The following RAVER1 variants were observed in gnomAD, a reference collection of about 807,000 sequenced individuals.
RAVER1 encodes the protein ribonucleoprotein PTB-binding 1.
RAVER1 carries 36 observed loss-of-function variants against 68.4 expected under a neutral mutation model. The observed-to-expected ratio is 0.53, with a 90% confidence interval of 0.40 to 0.70. RAVER1 has a LOEUF of 0.70. Ranked by LOEUF, RAVER1 falls within the 30% of genes least tolerant of loss-of-function variation. The pLI is 0.00. For missense variants in RAVER1, 933 were observed against 1,019.8 expected, an observed-to-expected ratio of 0.91 and a Z score of 1.16; for synonymous variants, 469 against 472.7, an observed-to-expected ratio of 0.99 and a Z score of 0.10.
At chr19:10,330,956 C>T (rs571499007) in intron 1 of RAVER1, among the ~76,000 whole-genome samples, 5 of 151,922 alleles carry the variant, frequency 3.3e-5, no homozygotes, top group South Asian at 2.1e-4. Flanking sequence ...CCTAGCTACT[C>T]GGGAGGCTGA....
rs755357771 is a variant in RAVER1 at position 10,323,212 on chromosome 19, C to A, written c.1011G>T (p.Leu337=). The A allele has an allele frequency of 6.2e-7, 1 of 1,613,264 alleles. No homozygotes were observed. The highest frequency in any genetic ancestry group is 1.3e-5 in the African/African-American group (1 of 75,014). The stretch of plus-strand genomic sequence containing the variant: ...GCAGCTGGAGGGACGCGGATGGGCC[C>A]AGGTTGTTGAGCAGCTGCAGGATGT... The part of the protein sequence containing the change: ...EPNILQLLNN[L]GPSASLQLLL... Residue 337 remains leucine, a synonymous_variant, in exon 5 of 13, where the codon CTG becomes CTT. Coordinates refer to ENST00000617231, the MANE Select transcript of RAVER1 (RefSeq NM_133452.3). The surrounding 1 kb of genome is among the most constrained non-coding windows in gnomAD (Gnocchi z 6.2).
Position 10,322,791 on chromosome 19 carries a change from C to T in RAVER1, c.1079-52G>A. On this transcript the variant is annotated intron_variant, in intron 5 of 12. Transcript: ENST00000617231. The surrounding 1 kb of genome is among the most constrained non-coding windows in gnomAD (Gnocchi z 4.3). The stretch of plus-strand genomic sequence containing the variant: ...GGGGGTCCCTGTGTCCTCCCTGCCC[C>T]ACCTCACGAAACACAGCCCTGAACC... 8.0e-6 allele frequency: 9 copies of T among 1,123,146 alleles called. No homozygotes were observed. Among genetic ancestry groups the T allele is most frequent in the Non-Finnish European group, 1.1e-5 (9 of 827,580 alleles). The allele number at this position is 1,123,146 out of a possible 1,614,324, so 69.6% of individuals were successfully genotyped here. A position where few individuals can be genotyped will look rare whatever the true frequency, so the allele number is the denominator to read the frequency against.
chr19:10,323,064 A>G lies in RAVER1; in HGVS notation c.1078+81T>C. The G allele has an allele frequency of 8.3e-7, 1 of 1,199,134 alleles. No homozygotes were observed. The highest frequency in any genetic ancestry group is 1.2e-6 in the Non-Finnish European group (1 of 869,520). The allele number at this position is 1,199,134 out of a possible 1,614,324, so 74.3% of individuals were successfully genotyped here. On this transcript the variant is annotated intron_variant, in intron 5 of 12. Coordinates refer to ENST00000617231, the MANE Select transcript of RAVER1 (RefSeq NM_133452.3). The surrounding 1 kb of genome is among the most constrained non-coding windows in gnomAD (Gnocchi z 6.2). ...TGGGGCTCCTGTCACTGCAGCCAAG[A>G]TGAGCAGTTTCGGGAAGTGCCGGGG...
In RAVER1 at chr19:10,317,583, C is replaced by T. The variant is rs2040400093; in HGVS notation, c.2091G>A (p.Gln697=). 3.1e-6 allele frequency: 5 copies of T among 1,609,236 alleles called. No homozygotes were observed. Among genetic ancestry groups the T allele is most frequent in the Non-Finnish European group, 4.2e-6 (5 of 1,178,290 alleles). ...SHLLKTPLGG[Q]KRSFAHLLPS... ...GCAGCAGGTGGGCAAAGCTGCGTTT[C>T]TGGCCGCCCAGTGGGGTCTGGAGAC... Residue 697 remains glutamine, a synonymous_variant, in exon 13 of 13, where the codon CAG becomes CAA. Transcript: ENST00000617231. This position sits in a 1 kb window ranked among gnomAD's most constrained non-coding sequence, Gnocchi z 4.3.
intron 1 of RAVER1, among the ~76,000 whole-genome samples, chr19:10,332,350 CTG>C (rs2145087071): frequency 6.6e-6 from 1 of 152,320 alleles, no homozygotes; most frequent in South Asian, 2.1e-4. Context: ...ACCAGACACA[CTG>C]TGCATCTTGC....
In RAVER1 at chr19:10,328,908, C is replaced by A; in HGVS notation, c.490G>T (p.Val164Phe). Residue 164 changes from valine to phenylalanine, a missense_variant, in exon 3 of 13, where the codon GTC (valine) becomes TTC (phenylalanine). This residue lies in a region of RAVER1 where 211 missense variants were observed against 230.0 expected (regional missense o/e 0.92). Transcript: ENST00000617231. This position sits in a 1 kb window ranked among gnomAD's most constrained non-coding sequence, Gnocchi z 4.4. Reference protein sequence around the residue: ...PFGSLERCFLVYSERTGQSKG... With the variant: ...PFGSLERCFLFYSERTGQSKG... ...GATTGGCCAGTGCGCTCACTGTAGACCAGGAAGCAGCGCTCCAGGCTGCCG... is the reference window on the plus strand; with the variant it reads ...GATTGGCCAGTGCGCTCACTGTAGAACAGGAAGCAGCGCTCCAGGCTGCCG... 1 of 1,612,918 alleles carries A rather than the reference C, an allele frequency of 6.2e-7. No individual in the cohort carries two copies. The highest frequency in any genetic ancestry group is 8.5e-7 in the Non-Finnish European group (1 of 1,179,532).
chr19:10,332,670 C>T (rs938499947), intron 1 of RAVER1, among the ~76,000 whole-genome samples: 1 of 152,202 alleles, frequency 6.6e-6, no homozygotes, highest in Non-Finnish European at 1.5e-5. Flanking sequence ...GAAGGGCACT[C>T]CTAGCAGGAA....
Position 10,322,242 on chromosome 19 carries a change from GTGCACACA to G in RAVER1, c.1173+395_1173+402del. The G allele has an allele frequency of 4.4e-6, 1 of 224,934 alleles. No homozygotes were observed. Among genetic ancestry groups the G allele is most frequent in the Non-Finnish European group, 8.6e-6 (1 of 115,678 alleles). The allele number at this position is 224,934 out of a possible 1,614,324, so 13.9% of individuals were successfully genotyped here. ...TGTTTCTAGGTGTGCGTGTGTGTGTGTGCACACACTGAGGGGATAGACCTGGAGTTTTT... is the reference window on the plus strand; with the variant it reads ...TGTTTCTAGGTGTGCGTGTGTGTGTGCTGAGGGGATAGACCTGGAGTTTTT... On this transcript the variant is annotated intron_variant, in intron 6 of 12. Transcript: ENST00000617231. This position sits in a 1 kb window ranked among gnomAD's most constrained non-coding sequence, Gnocchi z 4.3.
intron 3 of RAVER1, among the ~76,000 whole-genome samples, chr19:10,324,966 G>A (rs187079467): frequency 5.2e-4 from 79 of 152,150 alleles, no homozygotes; most frequent in Middle Eastern, 3.4e-3. Flanking sequence ...CAGGAGGATC[G>A]TTTGAGCACA....
In RAVER1 at chr19:10,320,997, C is replaced by G. The variant is rs759060944; in HGVS notation, c.1474-46G>C. 6 of 1,481,154 alleles carry G rather than the reference C, an allele frequency of 4.1e-6. No individual in the cohort carries two copies. In the South Asian group the frequency reaches 8.6e-5, roughly 21 times the overall value. The allele number at this position is 1,481,154 out of a possible 1,614,324, so 91.8% of individuals were successfully genotyped here. On this transcript the variant is annotated intron_variant, in intron 8 of 12. Transcript: ENST00000617231. ...TCGAGAGGGCCCCCGGGAGAGGGAA[C>G]CCTGCGGAACAGGAGGCTGGTGTGG...
rs1272752501 is a variant in RAVER1 at position 10,318,372 on chromosome 19, T to C, written c.1846A>G (p.Met616Val). 5 of 1,594,808 alleles carry C rather than the reference T, an allele frequency of 3.1e-6. No homozygotes were observed. Among genetic ancestry groups the C allele is most frequent in the Non-Finnish European group, 4.3e-6 (5 of 1,173,318 alleles). The change falls in exon 11 of 13, where the codon ATG (methionine) becomes GTG (valine). Residue 616 changes from methionine to valine, a missense_variant and splice_region_variant. By Grantham distance (21) the Met-to-Val change is conservative. Coordinates refer to ENST00000617231, the MANE Select transcript of RAVER1 (RefSeq NM_133452.3). Reference protein sequence around the residue: ...LGPHGPSRHKMSPPPSGFGER... With the variant: ...LGPHGPSRHKVSPPPSGFGER... ...CCGAAGCCACTGGGCGGGGGGGACA[T>C]CTGTAGAAGAAGGGCCGGTGGAGTG...
At chr19:10,331,684 C>CAAAAAAAAA (rs61614587) in intron 1 of RAVER1, among the ~76,000 whole-genome samples, 1 of 73,310 alleles carries the variant, frequency 1.4e-5, no homozygotes, top group Non-Finnish European at 2.4e-5. Context: ...GACTCCGTCT[C>CAAAAAAAAA]AAAAAAAAAA....
In RAVER1 at chr19:10,331,599, T is replaced by G. The variant is rs570725354; in HGVS notation, c.220-1073A>C. Among the ~76,000 whole-genome samples, 12 of 146,880 alleles carry G rather than the reference T, an allele frequency of 8.2e-5. 1 individual carries two copies. In the East Asian group the frequency reaches 2.4e-3, roughly 30 times the overall value. ...TACTCGGGAGACTGAGGCAAGACAA[T>G]TGCTTGAACCCGAGGGGTGAAGGTT... On this transcript the variant is annotated intron_variant, in intron 1 of 12. Coordinates refer to ENST00000617231, the MANE Select transcript of RAVER1 (RefSeq NM_133452.3).
At position 10,320,900 on chromosome 19, in the gene RAVER1, A is replaced by G. The variant is rs766275976; in HGVS notation, c.1525T>C (p.Tyr509His). ...GGGAGCAGGCTGTGTAGGTTCAGGTAGGGATTCAGGGGAATCCGGTAGTCC... is the reference window on the plus strand; with the variant it reads ...GGGAGCAGGCTGTGTAGGTTCAGGTGGGGATTCAGGGGAATCCGGTAGTCC... ...PKDYRIPLNP[Y>H]LNLHSLLPAS... The change falls in exon 9 of 13, where the codon TAC (tyrosine) becomes CAC (histidine). Residue 509 changes from tyrosine (Y) to histidine (H), a missense_variant. Around this residue, in one of 3 missense-constraint regions of RAVER1, gnomAD observed 699 missense variants for 731.1 expected, o/e 0.96. Coordinates refer to ENST00000617231, the MANE Select transcript of RAVER1 (RefSeq NM_133452.3). The G allele has an allele frequency of 2.0e-6, 3 of 1,511,186 alleles. No individual in the cohort carries two copies. The highest frequency in any genetic ancestry group is 1.4e-5 in the African/African-American group (1 of 70,102). The allele number at this position is 1,511,186 out of a possible 1,614,324, so 93.6% of individuals were successfully genotyped here.
In RAVER1 at chr19:10,317,486, C is replaced by G. The variant is rs138632069; in HGVS notation, c.2188G>C (p.Asp730His). The G allele has an allele frequency of 6.3e-4, 1,019 of 1,613,892 alleles. 1 individual carries two copies. The highest frequency in any genetic ancestry group is 2.1e-3 in the Middle Eastern group (13 of 6,058). ...HSQGLGGHYADSYLKRKRIF is the reference protein window; with the variant it reads ...HSQGLGGHYAHSYLKRKRIF ...ATCCTCTTCCGCTTCAGGTAGGAGT[C>G]CGCGTAGTGGCCGCCGAGGCCCTGG... The change falls in exon 13 of 13, where the codon GAC (aspartate) becomes CAC (histidine). Residue 730 changes from aspartate to histidine, a missense_variant. This residue lies in a region of RAVER1 where 699 missense variants were observed against 731.1 expected (regional missense o/e 0.96). Transcript: ENST00000617231. The surrounding 1 kb of genome is among the most constrained non-coding windows in gnomAD (Gnocchi z 4.3).
In RAVER1 at chr19:10,316,554, A is replaced by G; in HGVS notation, c.*900T>C. 1.0e-6 allele frequency: 1 copy of G among 987,510 alleles called. No individual in the cohort carries two copies. Among genetic ancestry groups the G allele is most frequent in the South Asian group, 4.6e-5 (1 of 21,724 alleles). The allele number at this position is 987,510 out of a possible 1,614,324, so 61.2% of individuals were successfully genotyped here. ...GCAGAGGCTCCGGGAGATGGGCACAATGTCCGACTCCCACAGACAGACAGC... is the reference window on the plus strand; with the variant it reads ...GCAGAGGCTCCGGGAGATGGGCACAGTGTCCGACTCCCACAGACAGACAGC... On this transcript the variant is annotated 3_prime_UTR_variant, in exon 13 of 13. Transcript: ENST00000617231.
chr19:10,316,656 GAA>G lies in RAVER1; in HGVS notation c.*796_*797del. 1.3e-6 allele frequency: 1 copy of G among 783,482 alleles called. No individual in the cohort carries two copies. Among genetic ancestry groups the G allele is most frequent in the Non-Finnish European group, 1.6e-6 (1 of 644,708 alleles). The allele number at this position is 783,482 out of a possible 1,614,324, so 48.5% of individuals were successfully genotyped here. On this transcript the variant is annotated 3_prime_UTR_variant, in exon 13 of 13. Transcript: ENST00000617231. Reference sequence around the variant, plus strand: ...GGTGGTGGGGCCGGTTCGCCAAGATGAAGGCTTTCCCCTTCTACTGTCCCCAG... The same window carrying G: ...GGTGGTGGGGCCGGTTCGCCAAGATGGGCTTTCCCCTTCTACTGTCCCCAG...
intron 3 of RAVER1, among the ~76,000 whole-genome samples, chr19:10,327,563 C>T (rs1178247604): frequency 1.3e-5 from 2 of 152,130 alleles, no homozygotes; most frequent in Admixed American, 1.3e-4. Flanking sequence ...AGGCCTACCC[C>T]TTTTAAGCCT....
At position 10,318,247 on chromosome 19, in the gene RAVER1, C is replaced by T. The variant is rs1599297551; in HGVS notation, c.1971G>A (p.Lys657=). 6.2e-7 allele frequency: 1 copy of T among 1,605,980 alleles called. No homozygotes were observed. The highest frequency in any genetic ancestry group is 8.5e-7 in the Non-Finnish European group (1 of 1,176,994). ...YFTSGLQAGL[K]QSHLSKAIGS... ...TCCTCACCTTACTGAGGTGGCTCTG[C>T]TTGAGGCCAGCCTGCAGGCCGCTGG... The change falls in exon 11 of 13, where the codon AAG becomes AAA. Residue 657 remains lysine (K), a synonymous_variant. Coordinates refer to ENST00000617231, the MANE Select transcript of RAVER1 (RefSeq NM_133452.3).
Sources: gnomAD v4.1 joint callset for allele counts (sites outside exome capture counted in the v4.1 genomes callset) on GRCh38, gnomAD v4.1.1 for gene constraint, gnomAD v4.1.1 regional missense constraint, Gnocchi (gnomAD v3.1) non-coding constraint, MANE v1.5 for transcripts, NCBI Gene and HGNC (gene_info 2026-07-23, HGNC 2026-07-21) for gene names.